MLXIPL: variants seen among roughly 807,000 people sequenced by gnomAD.
The protein encoded by MLXIPL is MLX interacting protein like, also known as carbohydrate-responsive element-binding protein.
A neutral mutation model predicts 81.5 loss-of-function variants in MLXIPL; 49 were observed. That is an observed-to-expected ratio of 0.60 (90% CI 0.48 to 0.76). The LOEUF (loss-of-function observed/expected upper bound fraction) is 0.76, where lower values mean the gene tolerates loss of function less well. MLXIPL is among the 30% of genes least tolerant of loss of function. MLXIPL has a pLI of 0.00. For synonymous variants in MLXIPL, 466 were observed against 485.5 expected (o/e 0.96, Z 0.53); for missense variants, 1,053 against 1,167.0 (o/e 0.90, Z 1.42).
chr7:73,607,835 C>T (rs1189673005), intron 2 of MLXIPL, among the ~76,000 whole-genome samples, 163 bp from the exon 3 acceptor site: 1 of 148,600 alleles, frequency 6.7e-6, no homozygotes, highest in Non-Finnish European at 1.5e-5. Context: ...GGATGATGCT[C>T]TAGCCTCCTA....
At position 73,596,066 on chromosome 7, in the gene MLXIPL, C is replaced by G. The variant is rs565316911; in HGVS notation, c.2058+87G>C. On this transcript the variant is annotated intron_variant, in intron 13 of 16. Transcript: ENST00000313375. The surrounding 1 kb of genome is among the most constrained non-coding windows in gnomAD (Gnocchi z 4.7). Reference sequence around the variant, plus strand: ...TGGGAGGAGGCAAGAGTGTCTGGAGCACTCCCCTGCAATTGAGTTTTGGGT... The same window carrying G: ...TGGGAGGAGGCAAGAGTGTCTGGAGGACTCCCCTGCAATTGAGTTTTGGGT... The G allele has an allele frequency of 5.2e-5, 83 of 1,597,562 alleles. No individual in the cohort carries two copies. Among genetic ancestry groups the G allele is most frequent in the Middle Eastern group, 4.2e-4 (2 of 4,744 alleles).
chr7:73,634,029 G>A, the MLXIPL span, among the ~76,000 whole-genome samples: 13 of 152,262 alleles, frequency 8.5e-5, no homozygotes, highest in African/African-American at 2.9e-4. Context: ...ATGGAGAAGC[G>A]GACAAGAGTG....
chr7:73,596,741 C>CCGGGGT lies in MLXIPL; in HGVS notation c.1714_1719dup (p.Thr572_Pro573dup), dbSNP rs1554594158. The CCGGGGT allele has an allele frequency of 1.2e-5, 19 of 1,595,550 alleles. No individual in the cohort carries two copies. The highest frequency in any genetic ancestry group is 1.4e-5 in the Non-Finnish European group (16 of 1,172,474). The stretch of plus-strand genomic sequence containing the variant: ...GGAGGTGGCCGGGGCGGTGTAGGGG[C>CCGGGGT]CGGGGTCGGGGGAAGGAATGTGCAG... On this transcript the variant is annotated inframe_insertion, in exon 11 of 17. Coordinates refer to ENST00000313375, the MANE Select transcript of MLXIPL (RefSeq NM_032951.3). The surrounding 1 kb of genome is among the most constrained non-coding windows in gnomAD (Gnocchi z 4.7).
At chr7:73,615,429 A>G (rs1432610938) in intron 2 of MLXIPL, among the ~76,000 whole-genome samples, 3 of 152,270 alleles carry the variant, frequency 2.0e-5, no homozygotes, top group Admixed American at 1.3e-4. Context: ...AAGGCACCCA[A>G]CTATGCTAAT....
the MLXIPL span, among the ~76,000 whole-genome samples, chr7:73,633,079 C>T: frequency 4.4e-3 from 553 of 125,954 alleles, 14 homozygotes; most frequent in Non-Finnish European, 9.3e-4. Context: ...CCCCACCCTA[C>T]CTTTTTTTTT....
Position 73,624,402 on chromosome 7 carries a change from C to T in MLXIPL, c.91G>A (p.Asp31Asn). Residue 31 changes from aspartate to asparagine, a missense_variant, in exon 1 of 17, where the codon GAC becomes AAC. Coordinates refer to ENST00000313375, the MANE Select transcript of MLXIPL (RefSeq NM_032951.3). ...PDSDSDTDSEDPSLRRSAGGL... is the reference protein window; with the variant it reads ...PDSDSDTDSENPSLRRSAGGL... ...CCCGCGCTGCGCCGGAGACTCGGGT[C>T]CTCCGAGTCTGTGTCCGAGTCCGAG... 1.3e-6 allele frequency: 2 copies of T among 1,566,956 alleles called. No individual in the cohort carries two copies. The highest frequency in any genetic ancestry group is 1.7e-6 in the Non-Finnish European group (2 of 1,162,456).
Position 73,596,594 on chromosome 7 carries a change from C to T in MLXIPL, c.1822+45G>A, listed in dbSNP as rs1311726994. 2 of 1,602,340 alleles carry T rather than the reference C, an allele frequency of 1.2e-6. No individual in the cohort carries two copies. The highest frequency in any genetic ancestry group is 2.7e-5 in the African/African-American group (2 of 74,658). On this transcript the variant is annotated intron_variant, in intron 11 of 16. Transcript: ENST00000313375. The surrounding 1 kb of genome is among the most constrained non-coding windows in gnomAD (Gnocchi z 4.7). ...GTCCCCTTCTTCTTCCTCCTCTTCCCCTCATCCCCTAGATTCCCCCAATCC... is the reference window on the plus strand; with the variant it reads ...GTCCCCTTCTTCTTCCTCCTCTTCCTCTCATCCCCTAGATTCCCCCAATCC...
At chr7:73,624,536 C>T (rs1554603239), upstream of MLXIPL, 2 of 1,494,570 alleles carry the variant, frequency 1.3e-6, no homozygotes, top group Admixed American at 4.5e-5. Flanking sequence ...CCGCGCAGCG[C>T]GGGGAACAGC....
chr7:73,643,626 T>C, the MLXIPL span, among the ~76,000 whole-genome samples: 4 of 152,160 alleles, frequency 2.6e-5, no homozygotes, highest in Admixed American at 6.6e-5. Flanking sequence ...CAAGTATGTC[T>C]TTCTGCTGGG....
chr7:73,637,949 C>T, the MLXIPL span, among the ~76,000 whole-genome samples: 4 of 152,156 alleles, frequency 2.6e-5, no homozygotes, highest in Admixed American at 6.6e-5. Flanking sequence ...TTGGGGAACA[C>T]GCAGTGGCAC....
rs1554598742 is a variant in MLXIPL at position 73,607,633 on chromosome 7, G to C, written c.440C>G (p.Thr147Ser). 9 of 1,613,478 alleles carry C rather than the reference G, an allele frequency of 5.6e-6. No individual in the cohort carries two copies. The highest frequency in any genetic ancestry group is 7.6e-6 in the Non-Finnish European group (9 of 1,180,002). ...RRKSPVCGFV[T>S]PLQGPEADAH... Reference sequence around the variant, plus strand: ...ATCAGCCTCAGGCCCCTGCAGGGGGGTCACGAAGCCACACACGGGGCTCTT... The same window carrying C: ...ATCAGCCTCAGGCCCCTGCAGGGGGCTCACGAAGCCACACACGGGGCTCTT... The change falls in exon 3 of 17, where the codon ACC becomes AGC. Residue 147 changes from threonine (T) to serine (S), a missense_variant. Transcript: ENST00000313375.
chr7:73,643,358 T>C, the MLXIPL span, among the ~76,000 whole-genome samples: 12 of 151,908 alleles, frequency 7.9e-5, no homozygotes, highest in African/African-American at 2.7e-4. Context: ...ACTAAAAATA[T>C]AAAAAATTGG....
upstream of MLXIPL, among the ~76,000 whole-genome samples, chr7:73,626,086 C>A (rs1796726236): frequency 6.6e-6 from 1 of 151,754 alleles, no homozygotes; most frequent in South Asian, 2.1e-4. Context: ...TCACTGCAAC[C>A]TCTGCCTCCC....
upstream of MLXIPL, among the ~76,000 whole-genome samples, chr7:73,626,067 G>A (rs562456450): frequency 4.3e-4 from 66 of 152,106 alleles, no homozygotes; most frequent in African/African-American, 1.2e-3. Context: ...GCAATGGCAC[G>A]ATCTCGGCTC....
At position 73,599,513 on chromosome 7, in the gene MLXIPL, G is replaced by A. The variant is rs191670198; in HGVS notation, c.1071+13C>T. ...TGAGCTACACAGGGCTGGACGGGGT[G>A]GGGTGAGCTCACCTGCAGACGGCTG... On this transcript the variant is annotated intron_variant, in intron 8 of 16. Transcript: ENST00000313375. The A allele has an allele frequency of 5.0e-6, 8 of 1,612,036 alleles. No individual in the cohort carries two copies. The Admixed American group carries it at 1.2e-4, about 24-fold the overall frequency.
At position 73,600,387 on chromosome 7, in the gene MLXIPL, G is replaced by A. The variant is rs1359945719; in HGVS notation, c.902-692C>T. Reference sequence around the variant, plus strand: ...TCTGAGTGGGATGGGGGTGAGGGGGGTGCCTAAGGCTGGGCTCCAAGTGGG... The same window carrying A: ...TCTGAGTGGGATGGGGGTGAGGGGGATGCCTAAGGCTGGGCTCCAAGTGGG... On this transcript the variant is annotated intron_variant, in intron 7 of 16. Transcript: ENST00000313375. 6.2e-5 allele frequency among the ~76,000 whole-genome samples: 7 copies of A among 113,550 alleles called. No homozygotes were observed. In the South Asian group the frequency reaches 1.9e-3, roughly 31 times the overall value. The allele number at this position is 113,550 out of a possible 152,430, so 74.5% of individuals were successfully genotyped here.
At chr7:73,645,521 G>A in the MLXIPL span, among the ~76,000 whole-genome samples, 5 of 152,160 alleles carry the variant, frequency 3.3e-5, no homozygotes, top group East Asian at 3.9e-4. Flanking sequence ...GGAGGTGGGT[G>A]AGGTGGGCGC....
chr7:73,627,713 C>G (rs1554604060), upstream of MLXIPL, among the ~76,000 whole-genome samples: 2 of 152,082 alleles, frequency 1.3e-5, no homozygotes, highest in African/African-American at 4.8e-5. Flanking sequence ...TACCTGGAGA[C>G]TTGGGGGATG....
At position 73,593,502 on chromosome 7, in the gene MLXIPL, T is replaced by C; in HGVS notation, c.*363A>G. 3.1e-6 allele frequency: 1 copy of C among 325,426 alleles called. No homozygotes were observed. The highest frequency in any genetic ancestry group is 6.1e-6 in the Non-Finnish European group (1 of 165,104). 20.2% of individuals were successfully genotyped at this position (325,426 alleles called of 1,614,324 possible). A position where few individuals can be genotyped will look rare whatever the true frequency, so the allele number is the denominator to read the frequency against. ...AAACAGCATCCTCCTCTTTCCACCG[T>C]TGAGCCCCCGGAGTTGCCAGCCTAG... On this transcript the variant is annotated 3_prime_UTR_variant, in exon 17 of 17. Transcript: ENST00000313375.
Sources: allele counts gnomAD v4.1 joint callset (sites outside exome capture counted in the v4.1 genomes callset), GRCh38; gene constraint gnomAD v4.1.1; non-coding constraint Gnocchi (gnomAD v3.1); transcripts MANE v1.5; gene names NCBI Gene and HGNC (gene_info 2026-07-23, HGNC 2026-07-21).